Variants in OTUB2 observed in about 807,000 individuals in gnomAD.
The protein encoded by OTUB2 is OTU deubiquitinase, ubiquitin aldehyde binding 2.
A neutral mutation model predicts 25.1 loss-of-function variants in OTUB2; 21 were observed. The ratio of observed to expected loss-of-function variants is 0.84; its 90% CI spans 0.59 to 1.21. The LOEUF (loss-of-function observed/expected upper bound fraction) is 1.21, where lower values mean the gene tolerates loss of function less well. OTUB2 is among the 50% of genes most tolerant of loss of function. OTUB2 has a pLI of 0.00. For synonymous variants in OTUB2, 122 were observed against 122.8 expected (o/e 0.99, Z 0.04); for missense variants, 283 against 298.0 (o/e 0.95, Z 0.37).
chr14:94,027,986 T>C (rs2141405544), intron 1 of OTUB2, among the ~76,000 whole-genome samples: 1 of 152,336 alleles, frequency 6.6e-6, no homozygotes, highest in East Asian at 1.9e-4. Flanking sequence ...AGCTGGAGGC[T>C]GGCATGCCCT....
In OTUB2 at chr14:94,043,978, G is replaced by T. The variant is rs766622242; in HGVS notation, c.226G>T (p.Glu76Ter). 1.9e-6 allele frequency: 3 copies of T among 1,614,184 alleles called. No homozygotes were observed. In the South Asian group the frequency reaches 3.3e-5, roughly 18 times the overall value. The stretch of plus-strand genomic sequence containing the variant: ...AGTCTTCCCCCTCTGTAGGTTCAAA[G>T]AACGCGTACTGCAGACCCCAAATGA... ...GKSREIFKFK[E>*]RVLQTPNDLL... The change falls in exon 4 of 6, where the codon GAA becomes TAA. Residue 76 changes from glutamate to a stop codon, truncating the protein, a stop_gained. Transcript: ENST00000203664. LOFTEE classifies it high-confidence loss of function.
rs566571153 is a variant in OTUB2, at chr14:94,044,784, G to C, written c.498+4G>C. ...CATCAAAGACTTCTGCACTCACGTA[G>C]GTGCTTGGGGTCTCAGCCCCAGCCC... is the stretch of plus-strand genomic sequence containing the variant. On this transcript the variant is annotated splice_donor_region_variant and intron_variant, in intron 5 of 5. Transcript: ENST00000203664. 3 of 1,607,336 alleles carry C rather than the reference G, an allele frequency of 1.9e-6. No homozygotes were observed. The African/African-American group carries it at 4.0e-5, about 21-fold the overall frequency.
chr14:94,033,226 C>G (rs1884993805), intron 1 of OTUB2, among the ~76,000 whole-genome samples: 1 of 152,084 alleles, frequency 6.6e-6, no homozygotes, highest in South Asian at 2.1e-4. Flanking sequence ...AATATTTTTC[C>G]TTAACTTGGC....
intron 5 of OTUB2, 94 bp downstream of exon 5, chr14:94,044,874 G>C (rs958036012): frequency 7.0e-6 from 9 of 1,279,440 alleles, no homozygotes; most frequent in Non-Finnish European, 9.5e-6. Flanking sequence ...AGGGACTCGG[G>C]TGTCACGACT....
In OTUB2 at chr14:94,039,087, T is replaced by G; in HGVS notation, c.218+6T>G. On this transcript the variant is annotated splice_donor_region_variant and intron_variant, in intron 3 of 5. Coordinates refer to ENST00000203664, the MANE Select transcript of OTUB2 (RefSeq NM_023112.4). Reference sequence around the variant, plus strand: ...AAGAGCAGGGAGATCTTCAAGTGAGTGCCGGGGCCCCTTGGCCTGTCAGGG... The same window carrying G: ...AAGAGCAGGGAGATCTTCAAGTGAGGGCCGGGGCCCCTTGGCCTGTCAGGG... 1 of 1,611,616 alleles carries G rather than the reference T, an allele frequency of 6.2e-7. No individual in the cohort carries two copies. The highest frequency in any genetic ancestry group is 8.5e-7 in the Non-Finnish European group (1 of 1,178,098).
intron 3 of OTUB2, 42 bp from the exon 4 acceptor site, chr14:94,043,928 TC>T (rs755774409): frequency 6.4e-7 from 1 of 1,550,476 alleles, no homozygotes; most frequent in Non-Finnish European, 8.9e-7. Flanking sequence ...CACAGCACTC[TC>T]GCTGTGTTTC....
At chr14:94,027,875 G>T (rs1332167018) in intron 1 of OTUB2, among the ~76,000 whole-genome samples, 12 of 152,218 alleles carry the variant, frequency 7.9e-5, no homozygotes, top group African/African-American at 2.9e-4. Context: ...GTGCCCAAGG[G>T]TTTACCTGGT....
intron 3 of OTUB2, chr14:94,039,423 G>C (rs1885117525): frequency 6.7e-6 from 2 of 296,816 alleles, no homozygotes; most frequent in Non-Finnish European, 1.3e-5. Flanking sequence ...CTTTGCCCCG[G>C]TGTTCTGCAT....
chr14:94,042,706 C>T (rs1022281333), intron 3 of OTUB2, among the ~76,000 whole-genome samples: 9 of 152,152 alleles, frequency 5.9e-5, no homozygotes, highest in South Asian at 4.1e-4. Flanking sequence ...GAGTGAGAGG[C>T]GTTAGCCAGC....
At position 94,028,251 on chromosome 14, in the gene OTUB2, C is replaced by T. The variant is rs182692172; in HGVS notation, c.3+1711C>T. 4.6e-4 allele frequency among the ~76,000 whole-genome samples: 70 copies of T among 152,374 alleles called. 1 individual carries two copies. Among genetic ancestry groups the T allele is most frequent in the African/African-American group, 1.6e-3 (67 of 41,586 alleles). The stretch of plus-strand genomic sequence containing the variant: ...GAGGCCATGCAGGGTCTTTTCCCTT[C>T]CCTGCACATGGCATTTATTGAGCAC... On this transcript the variant is annotated intron_variant, in intron 1 of 5. Transcript: ENST00000203664.
At position 94,045,856 on chromosome 14, in the gene OTUB2, C is replaced by T. The variant is rs778532926; in HGVS notation, c.639C>T (p.Thr213=). The T allele has an allele frequency of 1.9e-6, 3 of 1,614,222 alleles. No homozygotes were observed. Among genetic ancestry groups the T allele is most frequent in the Non-Finnish European group, 2.5e-6 (3 of 1,180,040 alleles). The change falls in exon 6 of 6, where the codon ACC becomes ACT. Residue 213 remains threonine, a synonymous_variant. Transcript: ENST00000203664. The part of the protein sequence containing the change: ...LNHHVFPEAA[T]PSVYLLYKTS... ...ACCACGTGTTCCCTGAGGCCGCCAC[C>T]CCTTCCGTTTACCTGCTCTATAAAA...
intron 2 of OTUB2, 138 bp downstream of exon 2, chr14:94,037,613 G>T (rs911593051): frequency 4.6e-4 from 211 of 463,158 alleles, no homozygotes; most frequent in Admixed American, 1.0e-3. Context: ...ATATTTTGAT[G>T]TTGGACATTT....
At position 94,026,441 on chromosome 14, in the gene OTUB2, C is replaced by G; in HGVS notation, c.-97C>G. ...CCCCACGCCCTCGAGGTCCCCGCCA[C>G]CGAACCAGCGGCGGAGCCCGCCCGC... On this transcript the variant is annotated 5_prime_UTR_variant, in exon 1 of 6. Transcript: ENST00000203664. The G allele has an allele frequency of 3.1e-6, 4 of 1,309,738 alleles. No individual in the cohort carries two copies. Among genetic ancestry groups the G allele is most frequent in the Non-Finnish European group, 2.9e-6 (3 of 1,028,628 alleles). 81.1% of individuals were successfully genotyped at this position (1,309,738 alleles called of 1,614,324 possible).
chr14:94,041,812 C>T lies in OTUB2; in HGVS notation c.219-2159C>T, dbSNP rs539909252. ...CCTGCTTCTGACCCGGCTGTGGGTT[C>T]CTTGGGCCCCAGGCAGGCTGCTTCA... On this transcript the variant is annotated intron_variant, in intron 3 of 5. Transcript: ENST00000203664. Among the ~76,000 whole-genome samples, 3 of 152,346 alleles carry T rather than the reference C, an allele frequency of 2.0e-5. No individual in the cohort carries two copies. In the South Asian group the frequency reaches 6.2e-4, roughly 32 times the overall value.
intron 1 of OTUB2, among the ~76,000 whole-genome samples, chr14:94,030,050 G>T (rs1399284371): frequency 1.3e-5 from 2 of 152,224 alleles, no homozygotes. Flanking sequence ...GTCAGACATG[G>T]GAGGTCGTTG....
At chr14:94,044,232 TC>T (rs1287269168) in intron 4 of OTUB2, among the ~76,000 whole-genome samples, 177 bp downstream of exon 4, 3 of 152,064 alleles carry the variant, frequency 2.0e-5, no homozygotes, top group Non-Finnish European at 2.9e-5. Context: ...CTCACCCTAT[TC>T]CATCTCCACC....
chr14:94,044,669 C>T lies in OTUB2; in HGVS notation c.387C>T (p.Asp129=). Residue 129 remains aspartate (D), a synonymous_variant, in exon 5 of 6, where the codon GAC becomes GAT. Coordinates refer to ENST00000203664, the MANE Select transcript of OTUB2 (RefSeq NM_023112.4). Reference sequence around the variant, plus strand: ...TGTTCAACGACCAGAGTGCCTCGGACCACATCGTGCAGTTCCTGCGCCTGC... The same window carrying T: ...TGTTCAACGACCAGAGTGCCTCGGATCACATCGTGCAGTTCCTGCGCCTGC... ...LKVFNDQSAS[D]HIVQFLRLLT... 1 of 1,614,198 alleles carries T rather than the reference C, an allele frequency of 6.2e-7. No homozygotes were observed. The highest frequency in any genetic ancestry group is 8.5e-7 in the Non-Finnish European group (1 of 1,180,040).
At position 94,044,616 on chromosome 14, in the gene OTUB2, G is replaced by A; in HGVS notation, c.334G>A (p.Asp112Asn). The A allele has an allele frequency of 6.2e-7, 1 of 1,614,064 alleles. No individual in the cohort carries two copies. The highest frequency in any genetic ancestry group is 8.5e-7 in the Non-Finnish European group (1 of 1,179,970). ...CAGTGTGGTGGAACTGGTAGAGAAGGATGGCTCAGTGTCCAGCCTGCTGAA... is the reference window on the plus strand; with the variant it reads ...CAGTGTGGTGGAACTGGTAGAGAAGAATGGCTCAGTGTCCAGCCTGCTGAA... ...FYSVVELVEK[D>N]GSVSSLLKVF... is the part of the protein sequence containing the mutation. Residue 112 changes from aspartate to asparagine, a missense_variant, in exon 5 of 6, where the codon GAT becomes AAT. Asp to Asn is a conservative substitution (Grantham distance 23, BLOSUM62 1). Transcript: ENST00000203664.
Position 94,046,105 on chromosome 14 carries a change from G to A in OTUB2, c.*183G>A. ...CTATGGTAACTTGGTAGGATTTTTA[G>A]TATTTATTTTAATGGAGGGACAAAT... On this transcript the variant is annotated 3_prime_UTR_variant, in exon 6 of 6. Coordinates refer to ENST00000203664, the MANE Select transcript of OTUB2 (RefSeq NM_023112.4). 1 of 681,104 alleles carries A rather than the reference G, an allele frequency of 1.5e-6. No individual in the cohort carries two copies. The highest frequency in any genetic ancestry group is 2.4e-6 in the Non-Finnish European group (1 of 409,084). 42.2% of individuals were successfully genotyped at this position (681,104 alleles called of 1,614,324 possible). A position where few individuals can be genotyped will look rare whatever the true frequency, so the allele number is the denominator to read the frequency against.
Sources: allele counts gnomAD v4.1 joint callset (sites outside exome capture counted in the v4.1 genomes callset), GRCh38; gene constraint gnomAD v4.1.1; transcripts MANE v1.5; gene names NCBI Gene and HGNC (gene_info 2026-07-23, HGNC 2026-07-21).